The following ZNF813 variants were observed in gnomAD, a reference collection of about 807,000 sequenced individuals.
ZNF813 encodes the protein zinc finger protein 813.
Under a neutral mutation model 7.2 loss-of-function variants are expected in ZNF813, and 3 were observed. The ratio of observed to expected loss-of-function variants is 0.42; its 90% CI spans 0.19 to 1.08. The LOEUF (loss-of-function observed/expected upper bound fraction) is 1.08. Ranked by LOEUF, ZNF813 falls within the 50% of genes least tolerant of loss-of-function variation. The pLI is 0.30. For synonymous variants in ZNF813, 227 were observed against 256.3 expected (o/e 0.89, Z 1.09); for missense variants, 714 against 753.3 (o/e 0.95, Z 0.61).
chr19:53,477,036 A>G (rs2086385435), intron 1 of ZNF813, among the ~76,000 whole-genome samples: 1 of 152,182 alleles, frequency 6.6e-6, no homozygotes, highest in African/African-American at 2.4e-5. Flanking sequence ...ATGAAATGCA[A>G]AGATAGGCTG....
Position 53,470,158 on chromosome 19 carries a change from T to TTTTTC in ZNF813, c.-74+2383_-74+2387dup, listed in dbSNP as rs1401901195. Among the ~76,000 whole-genome samples the TTTTTC allele has an allele frequency of 1.8e-4, 19 of 103,236 alleles. 1 individual carries two copies. The highest frequency in any genetic ancestry group is 7.1e-4 in the African/African-American group (17 of 23,968). The allele number at this position is 103,236 out of a possible 152,430, so 67.7% of individuals were successfully genotyped here. ...TTTGTTTTCTTTCTTTCTTTCTTTCTTTTTCTTTTCTTTTCTTTCTTTCTT... is the reference window on the plus strand; with the variant it reads ...TTTGTTTTCTTTCTTTCTTTCTTTCTTTTTCTTTTCTTTTCTTTTCTTTCTTTCTT... On this transcript the variant is annotated intron_variant, in intron 1 of 3. Coordinates refer to ENST00000396403, the MANE Select transcript of ZNF813 (RefSeq NM_001004301.4).
chr19:53,470,463 A>G (rs1029533005), intron 1 of ZNF813, among the ~76,000 whole-genome samples: 1 of 141,546 alleles, frequency 7.1e-6, no homozygotes, highest in Non-Finnish European at 1.5e-5. Context: ...ATGAAAAAGC[A>G]GGTTTTCTTC....
At chr19:53,488,602 G>A (rs2086444973) in intron 3 of ZNF813, among the ~76,000 whole-genome samples, 1 of 138,714 alleles carries the variant, frequency 7.2e-6, no homozygotes, top group Non-Finnish European at 1.6e-5. Context: ...TTTTTTTGTA[G>A]AGGTGGAGGC....
In ZNF813 at chr19:53,491,602, A is replaced by G. The variant is rs1203436357; in HGVS notation, c.1370A>G (p.His457Arg). ...AGTCGAAATTCAGCCCTTGTAATTC[A>G]TAAGGCTATTCATATTGGAGAGAAA... ...TFSRNSALVIHKAIHIGEKRY... is the reference protein window; with the variant it reads ...TFSRNSALVIRKAIHIGEKRY... The change falls in exon 4 of 4, where the codon CAT becomes CGT. Residue 457 changes from histidine (H) to arginine (R), a missense_variant. Around this residue, in one of 3 missense-constraint regions of ZNF813, gnomAD observed 563 missense variants for 554.2 expected, o/e 1.02. Coordinates refer to ENST00000396403, the MANE Select transcript of ZNF813 (RefSeq NM_001004301.4). The G allele has an allele frequency of 1.2e-6, 2 of 1,613,760 alleles. No individual in the cohort carries two copies. The highest frequency in any genetic ancestry group is 1.7e-6 in the Non-Finnish European group (2 of 1,179,716).
In ZNF813 at chr19:53,491,110, A is replaced by G; in HGVS notation, c.878A>G (p.His293Arg). Residue 293 changes from histidine to arginine, a missense_variant, in exon 4 of 4, where the codon CAT (histidine) becomes CGT (arginine). His to Arg is a conservative substitution (Grantham distance 29, BLOSUM62 0). Around this residue, in one of 3 missense-constraint regions of ZNF813, gnomAD observed 563 missense variants for 554.2 expected, o/e 1.02. Transcript: ENST00000396403. ...TYSLTCHRRLHTGEKPYKCEE... is the reference protein window; with the variant it reads ...TYSLTCHRRLRTGEKPYKCEE... ...TCCCTTACATGCCATCGTAGACTTC[A>G]TACTGGAGAGAAACCTTACAAATGT... 1.2e-6 allele frequency: 2 copies of G among 1,614,174 alleles called. No individual in the cohort carries two copies. Among genetic ancestry groups the G allele is most frequent in the Non-Finnish European group, 8.5e-7 (1 of 1,180,006 alleles).
Position 53,490,371 on chromosome 19 carries a change from G to T in ZNF813, c.143-4G>T, listed in dbSNP as rs1600115204. The T allele has an allele frequency of 3.1e-6, 5 of 1,613,598 alleles. No homozygotes were observed. Among genetic ancestry groups the T allele is most frequent in the East Asian group, 2.2e-5 (1 of 44,856 alleles). On this transcript the variant is annotated splice_polypyrimidine_tract_variant and splice_region_variant and intron_variant, in intron 3 of 3. Coordinates refer to ENST00000396403, the MANE Select transcript of ZNF813 (RefSeq NM_001004301.4). ...GGAAACCTATTCGTGTTTATATTTTGTAGATATCTCTTCCAAATGCATGAT... is the reference window on the plus strand; with the variant it reads ...GGAAACCTATTCGTGTTTATATTTTTTAGATATCTCTTCCAAATGCATGAT...
chr19:53,476,710 G>T (rs948889871), intron 1 of ZNF813, among the ~76,000 whole-genome samples: 1 of 151,884 alleles, frequency 6.6e-6, no homozygotes, highest in Non-Finnish European at 1.5e-5. Context: ...CTTAAGTGCA[G>T]TGGTGCGATC....
At chr19:53,471,809 C>CAA (rs57761931) in intron 1 of ZNF813, among the ~76,000 whole-genome samples, 1,445 of 121,088 alleles carry the variant, frequency 0.012, 54 homozygotes, top group African/African-American at 0.043. Context: ...GAGACTGTCT[C>CAA]AAAAAAAAAA....
intron 1 of ZNF813, among the ~76,000 whole-genome samples, chr19:53,478,462 G>C (rs898096195): frequency 6.6e-6 from 1 of 151,988 alleles, no homozygotes; most frequent in Non-Finnish European, 1.5e-5. Flanking sequence ...ATGAGCCACC[G>C]CACCTAGCCT....
At chr19:53,471,104 T>G (rs79797091) in intron 1 of ZNF813, among the ~76,000 whole-genome samples, 1 of 152,228 alleles carries the variant, frequency 6.6e-6, no homozygotes, top group Non-Finnish European at 1.5e-5. Flanking sequence ...CTTATGTCTA[T>G]ATCTCTTTTG....
intron 1 of ZNF813, among the ~76,000 whole-genome samples, chr19:53,483,177 T>C (rs570707333): frequency 3.1e-4 from 47 of 152,000 alleles, no homozygotes; most frequent in Non-Finnish European, 6.6e-4. Context: ...TCCAGAGTGC[T>C]AGTATTACAG....
At chr19:53,485,590 G>GTCATGATATATACATGTATGTCATGATA (rs2086428974) in intron 2 of ZNF813, among the ~76,000 whole-genome samples, 1 of 148,482 alleles carries the variant, frequency 6.7e-6, no homozygotes, top group Non-Finnish European at 1.5e-5. Flanking sequence ...CATGACATAT[G>GTCATGATATATACATGTATGTCATGATA]TATGTCATGA....
In ZNF813 at chr19:53,492,393, C is replaced by T. The variant is rs2086468392; in HGVS notation, c.*307C>T. 4.1e-6 allele frequency: 2 copies of T among 492,214 alleles called. No homozygotes were observed. The highest frequency in any genetic ancestry group is 7.5e-6 in the Non-Finnish European group (2 of 267,870). The allele number at this position is 492,214 out of a possible 1,614,324, so 30.5% of individuals were successfully genotyped here. On this transcript the variant is annotated 3_prime_UTR_variant, in exon 4 of 4. Transcript: ENST00000396403. ...AAGCTTACAAAGGTGAAGAATATCA[C>T]AGAGTTTTCAGTCACAAGTCAAACC...
rs1376794713 is a variant in ZNF813 at position 53,486,682 on chromosome 19, G to A, written c.66G>A (p.Trp22Ter). The A allele has an allele frequency of 6.2e-7, 1 of 1,613,992 alleles. No homozygotes were observed. Among genetic ancestry groups the A allele is most frequent in the African/African-American group, 1.3e-5 (1 of 74,922 alleles). ...CCATAGAATTCTCTCAGGAGGAGTG[G>A]AAATGCCTGGACCCTGCTCAGAGGA... ...DVAIEFSQEEWKCLDPAQRTL... is the reference protein window; with the variant it reads ...DVAIEFSQEE The change falls in exon 3 of 4, where the codon TGG becomes TGA. Residue 22 changes from tryptophan to a stop codon, truncating the protein, a stop_gained. Coordinates refer to ENST00000396403, the MANE Select transcript of ZNF813 (RefSeq NM_001004301.4). LOFTEE classifies it high-confidence loss of function.
chr19:53,479,887 A>G, intron 1 of ZNF813: 3 of 955,752 alleles, frequency 3.1e-6, no homozygotes, highest in Non-Finnish European at 5.1e-6. Flanking sequence ...ACCCTCAAAA[A>G]GAAGACAAAT....
chr19:53,475,532 G>A lies in ZNF813; in HGVS notation c.-74+7743G>A, dbSNP rs187581583. Among the ~76,000 whole-genome samples, 229 of 152,390 alleles carry A rather than the reference G, an allele frequency of 1.5e-3. 1 individual carries two copies. The highest frequency in any genetic ancestry group is 2.4e-3 in the Non-Finnish European group (160 of 68,036). On this transcript the variant is annotated intron_variant, in intron 1 of 3. Transcript: ENST00000396403. ...TGTTTACTGTTCTAAAATTGTGTAAGGGTTTTCACATAGAAGCCCTTGGTA... is the reference window on the plus strand; with the variant it reads ...TGTTTACTGTTCTAAAATTGTGTAAAGGTTTTCACATAGAAGCCCTTGGTA...
At chr19:53,472,402 C>G (rs1456351257) in intron 1 of ZNF813, among the ~76,000 whole-genome samples, 1 of 152,104 alleles carries the variant, frequency 6.6e-6, no homozygotes, top group East Asian at 1.9e-4. Flanking sequence ...GAGTCTAGGT[C>G]TGCTGCTGGA....
Position 53,496,157 on chromosome 19 carries a change from G to GT in ZNF813, c.*4077dup, listed in dbSNP as rs1398777387. 9.6e-6 allele frequency: 2 copies of GT among 207,592 alleles called. No individual in the cohort carries two copies. The highest frequency in any genetic ancestry group is 4.6e-5 in the African/African-American group (2 of 43,126). 12.9% of individuals were successfully genotyped at this position (207,592 alleles called of 1,614,324 possible). On this transcript the variant is annotated 3_prime_UTR_variant, in exon 4 of 4. Transcript: ENST00000396403. ...GTTGGAAATGTTTTATTGGGAATAT[G>GT]TTTTTTCTCTGAATCTGCTATGAAC...
chr19:53,484,904 C>T (rs1161475020), intron 2 of ZNF813, among the ~76,000 whole-genome samples: 1 of 152,194 alleles, frequency 6.6e-6, no homozygotes, highest in African/African-American at 2.4e-5. Flanking sequence ...TATATTTAAC[C>T]ATCACATGAT....
Sources: gnomAD v4.1 joint callset for allele counts (sites outside exome capture counted in the v4.1 genomes callset) on GRCh38, gnomAD v4.1.1 for gene constraint, gnomAD v4.1.1 regional missense constraint, MANE v1.5 for transcripts, NCBI Gene and HGNC (gene_info 2026-07-23, HGNC 2026-07-21) for gene names.